RARA: variants seen among roughly 807,000 people sequenced by gnomAD.
RARA encodes retinoic acid receptor alpha, also known as PML-DDX5-RARA fusion.
RARA carries 5 observed loss-of-function variants against 42.8 expected under a neutral mutation model. The observed-to-expected ratio is 0.12, with a 90% confidence interval of 0.06 to 0.25. RARA has a LOEUF of 0.25. RARA is among the 10% of genes least tolerant of loss of function. The pLI is 1.00. For synonymous variants in RARA, 256 were observed against 259.5 expected (o/e 0.99, Z 0.13); for missense variants, 402 against 628.7 (o/e 0.64, Z 3.86).
intron 2 of RARA, among the ~76,000 whole-genome samples, chr17:40,340,343 T>C (rs2033995209): frequency 6.6e-6 from 1 of 152,178 alleles, no homozygotes; most frequent in South Asian, 2.1e-4. Context: ...TTGGAACCTT[T>C]CTATGGCTTT....
intron 2 of RARA, chr17:40,342,902 G>T (rs1177678785): frequency 1.3e-6 from 2 of 1,588,036 alleles, no homozygotes; most frequent in East Asian, 4.5e-5. Flanking sequence ...TGTTGTAGGG[G>T]GTGGGAGTGG....
chr17:40,323,568 T>C (rs2033451992), intron 1 of RARA, among the ~76,000 whole-genome samples: 1 of 151,708 alleles, frequency 6.6e-6, no homozygotes, highest in African/African-American at 2.4e-5. Flanking sequence ...GCTTCTCCCT[T>C]GTCTGGCAGG....
At chr17:40,323,987 G>A (rs1262181727) in intron 1 of RARA, among the ~76,000 whole-genome samples, 1 of 152,032 alleles carries the variant, frequency 6.6e-6, no homozygotes, top group African/African-American at 2.4e-5. Context: ...GAGGGGTGAG[G>A]GCTGCTGCAG....
At position 40,351,373 on chromosome 17, in the gene RARA, C is replaced by A; in HGVS notation, c.470-537C>A. 2 of 418,612 alleles carry A rather than the reference C, an allele frequency of 4.8e-6. 1 individual carries two copies. The highest frequency in any genetic ancestry group is 3.4e-5 in the South Asian group (2 of 58,530). The allele number at this position is 418,612 out of a possible 1,614,324, so 25.9% of individuals were successfully genotyped here. A position where few individuals can be genotyped will look rare whatever the true frequency, so the allele number is the denominator to read the frequency against. On this transcript the variant is annotated intron_variant, in intron 4 of 8. Coordinates refer to ENST00000254066, the MANE Select transcript of RARA (RefSeq NM_000964.4). The surrounding 1 kb of genome is among the most constrained non-coding windows in gnomAD (Gnocchi z 4.1). ...GCCGAGTGGTGTGTGCGGCTCAGCG[C>A]CCCTGGTGATTTGTCAGCTCCCCAG...
chr17:40,356,279 C>T lies in RARA; in HGVS notation c.*53C>T, dbSNP rs1242113889. On this transcript the variant is annotated 3_prime_UTR_variant, in exon 9 of 9. Transcript: ENST00000254066. ...CGCCCTCCGCCCCGGCTTTTCTCTG[C>T]CTTTCTACCGACCATGTGACCCCGC... The T allele has an allele frequency of 4.6e-6, 7 of 1,513,040 alleles. No homozygotes were observed. Among genetic ancestry groups the T allele is most frequent in the Admixed American group, 3.9e-5 (2 of 50,942 alleles). The allele number at this position is 1,513,040 out of a possible 1,614,324, so 93.7% of individuals were successfully genotyped here. A position where few individuals can be genotyped will look rare whatever the true frequency, so the allele number is the denominator to read the frequency against.
chr17:40,334,062 A>C (rs930373055), intron 2 of RARA, among the ~76,000 whole-genome samples: 3 of 152,212 alleles, frequency 2.0e-5, no homozygotes, highest in Admixed American at 2.0e-4. Flanking sequence ...GCCTGGGCTC[A>C]TTGGAGGGTT....
intron 2 of RARA, among the ~76,000 whole-genome samples, chr17:40,335,532 A>T (rs558770269): frequency 6.6e-6 from 1 of 151,996 alleles, no homozygotes; most frequent in Non-Finnish European, 1.5e-5. Context: ...TCTACTAAAA[A>T]TACAAAAATT....
At chr17:40,311,476 G>C (rs554644322) in intron 1 of RARA, among the ~76,000 whole-genome samples, 23 of 152,188 alleles carry the variant, frequency 1.5e-4, no homozygotes, top group African/African-American at 5.3e-4. Context: ...AAAGGACAGC[G>C]ATGAGCCAGG....
intron 1 of RARA, among the ~76,000 whole-genome samples, chr17:40,312,596 G>A (rs916964350): frequency 1.3e-5 from 2 of 152,242 alleles, no homozygotes; most frequent in African/African-American, 4.8e-5. Flanking sequence ...GAGGAGTGAG[G>A]AAGGGCCAGA....
intron 2 of RARA, among the ~76,000 whole-genome samples, chr17:40,344,318 T>G (rs1188319026): frequency 6.6e-6 from 1 of 152,096 alleles, no homozygotes; most frequent in East Asian, 1.9e-4. Context: ...GGTATCACCC[T>G]TGACTTTGGA....
intron 2 of RARA, among the ~76,000 whole-genome samples, chr17:40,332,688 G>T (rs1174055855): frequency 2.0e-5 from 3 of 152,374 alleles, no homozygotes; most frequent in African/African-American, 4.8e-5. Flanking sequence ...CTCTATGTCT[G>T]TGTTTCTTTG....
chr17:40,332,744 T>G (rs1224997980), intron 2 of RARA, among the ~76,000 whole-genome samples: 2 of 152,376 alleles, frequency 1.3e-5, no homozygotes, highest in Admixed American at 1.3e-4. Context: ...AGGCAGGTGC[T>G]GCCTCAGTTT....
At chr17:40,338,525 C>A (rs987978032) in intron 2 of RARA, among the ~76,000 whole-genome samples, 2 of 152,102 alleles carry the variant, frequency 1.3e-5, no homozygotes, top group African/African-American at 4.8e-5. Flanking sequence ...CAAGCTCTCT[C>A]CAAATCTGTT....
rs781260904 is a variant in RARA at position 40,355,083 on chromosome 17, G to A, written c.1013-180G>A. ...GGGCACCCCCTCACCCTCAGCTCCC[G>A]TTGCTCCCTTTTAAGGGCCTCTGTA... On this transcript the variant is annotated intron_variant, in intron 7 of 8. Coordinates refer to ENST00000254066, the MANE Select transcript of RARA (RefSeq NM_000964.4). This position sits in a 1 kb window ranked among gnomAD's most constrained non-coding sequence, Gnocchi z 4.1. Among the ~76,000 whole-genome samples the A allele has an allele frequency of 3.3e-5, 5 of 152,136 alleles. No individual in the cohort carries two copies. The highest frequency in any genetic ancestry group is 6.5e-5 in the Admixed American group (1 of 15,272).
chr17:40,316,399 A>ACACATCCCTGCCCTGAATGTG (rs1301134900), intron 1 of RARA, among the ~76,000 whole-genome samples: 1 of 152,204 alleles, frequency 6.6e-6, no homozygotes, highest in Non-Finnish European at 1.5e-5. Flanking sequence ...TCGGGGATGT[A>ACACATCCCTGCCCTGAATGTG]CACATCCCTG....
At chr17:40,319,870 A>T (rs890441159) in intron 1 of RARA, among the ~76,000 whole-genome samples, 1 of 151,996 alleles carries the variant, frequency 6.6e-6, no homozygotes, top group Admixed American at 6.5e-5. Context: ...CAAGAGAAAA[A>T]ATATTTGGAG....
intron 1 of RARA, among the ~76,000 whole-genome samples, chr17:40,319,763 G>A: frequency 6.6e-6 from 1 of 152,310 alleles, no homozygotes; most frequent in East Asian, 1.9e-4. Context: ...GGCTGTGCCG[G>A]GGAAGCCCCG....
intron 2 of RARA, among the ~76,000 whole-genome samples, chr17:40,338,226 T>A (rs1440650804): frequency 2.0e-5 from 3 of 152,174 alleles, no homozygotes; most frequent in Non-Finnish European, 4.4e-5. Context: ...TGCCTGCCCT[T>A]TGAGGGAGTA....
chr17:40,338,098 G>A lies in RARA; in HGVS notation c.178+6702G>A, dbSNP rs142668281. Among the ~76,000 whole-genome samples the A allele has an allele frequency of 3.3e-5, 5 of 152,242 alleles. 1 individual carries two copies. Among genetic ancestry groups the A allele is most frequent in the South Asian group, 4.1e-4 (2 of 4,838 alleles). On this transcript the variant is annotated intron_variant, in intron 2 of 8. Coordinates refer to ENST00000254066, the MANE Select transcript of RARA (RefSeq NM_000964.4). The stretch of plus-strand genomic sequence containing the variant: ...CTCTGGACAAGATCCCAGCATAGAC[G>A]CGGGGAGGGAACTCAGGGAAGGAAG...
Sources: allele counts gnomAD v4.1 joint callset (sites outside exome capture counted in the v4.1 genomes callset), GRCh38; gene constraint gnomAD v4.1.1; non-coding constraint Gnocchi (gnomAD v3.1); transcripts MANE v1.5; gene names NCBI Gene and HGNC (gene_info 2026-07-23, HGNC 2026-07-21).